The following DOCK1 variants were observed in gnomAD, a reference collection of about 807,000 sequenced individuals.
The protein encoded by DOCK1 is dedicator of cytokinesis 1, also known as dedicator of cytokinesis protein 1.
DOCK1 carries 138 observed loss-of-function variants against 262.7 expected under a neutral mutation model. The observed-to-expected ratio is 0.53, with a 90% CI of 0.46 to 0.61. The LOEUF (loss-of-function observed/expected upper bound fraction) is 0.61, where lower values mean the gene tolerates loss of function less well. DOCK1 is among the 20% of genes least tolerant of loss of function. DOCK1 has a pLI of 0.00. For missense variants in DOCK1, 1,908 were observed against 2,370.7 expected, an observed-to-expected ratio of 0.80 and a Z score of 4.05; for synonymous variants, 866 against 867.4, an observed-to-expected ratio of 1.00 and a Z score of 0.03.
chr10:127,144,793 C>A (rs571333071), intron 27 of DOCK1, among the ~76,000 whole-genome samples: 21 of 152,184 alleles, frequency 1.4e-4, no homozygotes, highest in African/African-American at 4.8e-4. Context: ...CTTCCTTTAC[C>A]ACTATTTTAC....
At chr10:127,412,811 C>A (rs746325289) in intron 43 of DOCK1, among the ~76,000 whole-genome samples, 1 of 152,230 alleles carries the variant, frequency 6.6e-6, no homozygotes, top group Non-Finnish European at 1.5e-5. Flanking sequence ...GGCCAGATTC[C>A]TTGTGTGTCA....
chr10:126,953,000 G>A (rs2036438830), intron 1 of DOCK1, among the ~76,000 whole-genome samples: 1 of 151,814 alleles, frequency 6.6e-6, no homozygotes, highest in African/African-American at 2.4e-5. Flanking sequence ...TAGTGATGTA[G>A]TGTTGGTGGT....
In DOCK1 at chr10:127,339,733, G is replaced by GTGTGTGTGTGCGCA. The variant is rs71032552; in HGVS notation, c.3123+651_3123+652insTGTGTGTGCGCATG. 1.0e-3 allele frequency among the ~76,000 whole-genome samples: 113 copies of GTGTGTGTGTGCGCA among 109,336 alleles called. 4 individuals carry two copies. Among genetic ancestry groups the GTGTGTGTGTGCGCA allele is most frequent in the Admixed American group, 3.1e-3 (30 of 9,744 alleles). 71.7% of individuals were successfully genotyped at this position (109,336 alleles called of 152,430 possible). On this transcript the variant is annotated intron_variant, in intron 30 of 51. Transcript: ENST00000623213. ...TGTGTGTGTGTGTGTGTGTGTGTGT[G>GTGTGTGTGTGCGCA]TGCATGCTGTAAGGATTGATTTTGC...
chr10:127,317,095 G>C (rs531797677), intron 29 of DOCK1, among the ~76,000 whole-genome samples: 29 of 152,220 alleles, frequency 1.9e-4, no homozygotes, highest in African/African-American at 6.5e-4. Context: ...AGACTTTGCT[G>C]ACAGTTTTTC....
intron 1 of DOCK1, among the ~76,000 whole-genome samples, chr10:126,923,481 G>A (rs552082284): frequency 2.0e-5 from 3 of 151,976 alleles, no homozygotes; most frequent in Admixed American, 1.3e-4. Context: ...AAAATTAGCC[G>A]GGTGTGGTGG....
At chr10:127,245,005 T>A (rs998163852) in intron 27 of DOCK1, among the ~76,000 whole-genome samples, 3 of 152,202 alleles carry the variant, frequency 2.0e-5, no homozygotes, top group Non-Finnish European at 4.4e-5. Flanking sequence ...CTCGCTCACT[T>A]TTGTTCCTAA....
At chr10:127,164,415 TC>T (rs2053896907) in intron 27 of DOCK1, among the ~76,000 whole-genome samples, 1 of 152,042 alleles carries the variant, frequency 6.6e-6, no homozygotes, top group Non-Finnish European at 1.5e-5. Context: ...ACTCCTGACC[TC>T]AGGTGATCCA....
chr10:127,035,081 T>C (rs544456919), intron 18 of DOCK1, among the ~76,000 whole-genome samples: 8 of 152,330 alleles, frequency 5.3e-5, no homozygotes, highest in African/African-American at 1.9e-4. Flanking sequence ...CTGCCTTTCA[T>C]TTCTCACCAG....
intron 23 of DOCK1, among the ~76,000 whole-genome samples, chr10:127,071,836 T>G (rs901647140): frequency 4.6e-5 from 7 of 152,224 alleles, no homozygotes; most frequent in African/African-American, 1.7e-4. Flanking sequence ...TTATGATCCA[T>G]TTTTCCATGT....
Position 127,175,400 on chromosome 10 carries a change from C to T in DOCK1, c.2847+47636C>T, listed in dbSNP as rs763819554. 5 of 1,613,664 alleles carry T rather than the reference C, an allele frequency of 3.1e-6. No homozygotes were observed. The East Asian group carries it at 1.1e-4, about 36-fold the overall frequency. On this transcript the variant is annotated intron_variant, in intron 27 of 51. Coordinates refer to ENST00000623213, the MANE Select transcript of DOCK1 (RefSeq NM_001290223.2). This position sits in a 1 kb window ranked among gnomAD's most constrained non-coding sequence, Gnocchi z 6.3. ...CAACCGCTGTGGGACTAGGCTGGTT[C>T]CCCAGCCCCGGCGGGGTGTGAGTCT...
intron 19 of DOCK1, 32 bp downstream of exon 19, chr10:127,037,848 C>CTTTTTTTTTT (rs56038046): frequency 2.1e-6 from 2 of 956,722 alleles, no homozygotes; most frequent in Non-Finnish European, 2.8e-6. Context: ...CTTTTTGGGT[C>CTTTTTTTTTT]TTTTTTTTTT....
intron 25 of DOCK1, among the ~76,000 whole-genome samples, chr10:127,114,330 G>C (rs1297510541): frequency 6.6e-6 from 1 of 152,190 alleles, no homozygotes; most frequent in Non-Finnish European, 1.5e-5. Context: ...ACACACATGT[G>C]TAGTTGACTT....
At chr10:127,244,932 G>A (rs2059382064) in intron 27 of DOCK1, among the ~76,000 whole-genome samples, 1 of 152,158 alleles carries the variant, frequency 6.6e-6, no homozygotes, top group Non-Finnish European at 1.5e-5. Context: ...AAATAAATCA[G>A]TTAAAGCACA....
chr10:127,315,075 C>T (rs2062216065), intron 29 of DOCK1, among the ~76,000 whole-genome samples: 1 of 152,172 alleles, frequency 6.6e-6, no homozygotes, highest in Non-Finnish European at 1.5e-5. Context: ...CTGGGAGGCT[C>T]CTCGTCATAG....
intron 1 of DOCK1, among the ~76,000 whole-genome samples, chr10:126,939,039 C>T (rs1460916008): frequency 6.8e-5 from 7 of 103,380 alleles, no homozygotes; most frequent in African/African-American, 2.4e-4. Context: ...GGGATGAACA[C>T]GGTGGGGGGA....
chr10:127,114,046 G>C (rs1309668390), intron 25 of DOCK1, among the ~76,000 whole-genome samples: 2 of 152,178 alleles, frequency 1.3e-5, no homozygotes. Flanking sequence ...GCCTGTGATT[G>C]CCCTGCTTAA....
At chr10:127,007,876 T>C (rs923902158) in intron 10 of DOCK1, among the ~76,000 whole-genome samples, 1 of 152,150 alleles carries the variant, frequency 6.6e-6, no homozygotes, top group East Asian at 1.9e-4. Flanking sequence ...TGCCTTGAAG[T>C]GTCCTCTTGA....
At chr10:126,955,811 C>T (rs2036688630) in intron 1 of DOCK1, among the ~76,000 whole-genome samples, 1 of 152,120 alleles carries the variant, frequency 6.6e-6, no homozygotes, top group African/African-American at 2.4e-5. Flanking sequence ...GCTTACCACA[C>T]ACTTTTTGGG....
chr10:127,407,394 C>G (rs1050941207), intron 40 of DOCK1, among the ~76,000 whole-genome samples: 4 of 152,118 alleles, frequency 2.6e-5, no homozygotes, highest in Admixed American at 2.0e-4. Flanking sequence ...TCTGGGGCCT[C>G]TTTTCTGAGG....
Sources: allele counts gnomAD v4.1 joint callset (sites outside exome capture counted in the v4.1 genomes callset), GRCh38; gene constraint gnomAD v4.1.1; non-coding constraint Gnocchi (gnomAD v3.1); transcripts MANE v1.5; gene names NCBI Gene and HGNC (gene_info 2026-07-23, HGNC 2026-07-21).